The following OR2L13 variants were observed in gnomAD, a reference collection of about 807,000 sequenced individuals.
OR2L13 encodes olfactory receptor 2L13.
A neutral mutation model predicts 15.3 loss-of-function variants in OR2L13; 14 were observed. The observed-to-expected ratio is 0.91, with a 90% CI of 0.60 to 1.43. The LOEUF (loss-of-function observed/expected upper bound fraction) is 1.43. Ranked by LOEUF, OR2L13 falls within the 40% of genes most tolerant of loss-of-function variation. The pLI is 0.00. For missense variants in OR2L13, 367 were observed against 387.9 expected (o/e 0.95, Z 0.45); for synonymous variants, 152 against 142.9 (o/e 1.06, Z -0.45).
the OR2L13 span, among the ~76,000 whole-genome samples, chr1:247,960,533 C>T: frequency 6.6e-6 from 1 of 152,162 alleles, no homozygotes; most frequent in African/African-American, 2.4e-5. Flanking sequence ...GCCCTGCCCC[C>T]AGAGGTGGAG....
At chr1:247,982,906 T>C in the OR2L13 span, among the ~76,000 whole-genome samples, 1 of 152,134 alleles carries the variant, frequency 6.6e-6, no homozygotes, top group Admixed American at 6.5e-5. Context: ...ATATTTTTGT[T>C]TTGGGTAATT....
At chr1:248,052,742 A>T in the OR2L13 span, among the ~76,000 whole-genome samples, 2 of 152,116 alleles carry the variant, frequency 1.3e-5, no homozygotes, top group African/African-American at 4.8e-5. Flanking sequence ...AAAAGAAAAA[A>T]AAATCAGATT....
chr1:248,003,446 T>C, the OR2L13 span: 14 of 1,610,250 alleles, frequency 8.7e-6, no homozygotes, highest in East Asian at 2.9e-4. Context: ...CTTCACGACT[T>C]TAGCCGTTGT....
chr1:248,099,890 C>T (rs756735124), exon 3 of OR2L13: 2 of 1,614,152 alleles, frequency 1.2e-6, no homozygotes, highest in African/African-American at 2.7e-5. Flanking sequence ...AGGTCTAGGG[C>T]TATTGACCAT....
the OR2L13 span, among the ~76,000 whole-genome samples, chr1:248,026,261 A>C: frequency 6.6e-6 from 1 of 152,200 alleles, no homozygotes; most frequent in Non-Finnish European, 1.5e-5. Context: ...TGACCCTTGA[A>C]CAACGCGGAC....
chr1:248,060,241 C>T, the OR2L13 span, among the ~76,000 whole-genome samples: 1 of 152,092 alleles, frequency 6.6e-6, no homozygotes. Context: ...ATAGAGATAT[C>T]TTTCTTATAA....
At chr1:248,018,700 C>T in the OR2L13 span, among the ~76,000 whole-genome samples, 3 of 152,132 alleles carry the variant, frequency 2.0e-5, no homozygotes, top group Non-Finnish European at 2.9e-5. Context: ...AGTTCTGTGG[C>T]ATTAAGGACA....
upstream of OR2L13, among the ~76,000 whole-genome samples, chr1:248,091,462 T>C (rs1189200009): frequency 6.6e-6 from 1 of 152,132 alleles, no homozygotes; most frequent in Non-Finnish European, 1.5e-5. Context: ...TTTGTGTATG[T>C]GATGTAAAAA....
At chr1:248,083,081 A>G in the OR2L13 span, among the ~76,000 whole-genome samples, 1 of 152,166 alleles carries the variant, frequency 6.6e-6, no homozygotes, top group Non-Finnish European at 1.5e-5. Context: ...TACAAAAGAA[A>G]TGTGACAATA....
chr1:248,099,651 CT>C lies in OR2L13; in HGVS notation c.278del (p.Phe93SerfsTer12). On this transcript the variant is annotated frameshift_variant, in exon 3 of 3. Coordinates refer to ENST00000641714, the Ensembl canonical transcript of OR2L13. LOFTEE classifies it high-confidence loss of function. ...TCCTGTCCGGCCAGAAAGGCATCTC[CT>C]TCCTGGGATGTGGTGTGCAAAGCTT... The C allele has an allele frequency of 6.2e-7, 1 of 1,614,172 alleles. No individual in the cohort carries two copies. The highest frequency in any genetic ancestry group is 1.3e-5 in the African/African-American group (1 of 75,032).
chr1:247,991,003 G>C, the OR2L13 span: 2 of 1,517,410 alleles, frequency 1.3e-6, no homozygotes, highest in Non-Finnish European at 1.8e-6. Flanking sequence ...CCACCTCACT[G>C]TAGTGACTTT....
At chr1:247,961,817 A>G in the OR2L13 span, among the ~76,000 whole-genome samples, 1 of 152,246 alleles carries the variant, frequency 6.6e-6, no homozygotes, top group African/African-American at 2.4e-5. Context: ...TTTGGTAGCT[A>G]GCAGAGCTCA....
chr1:247,968,633 T>C, the OR2L13 span, among the ~76,000 whole-genome samples: 1 of 152,112 alleles, frequency 6.6e-6, no homozygotes, highest in Non-Finnish European at 1.5e-5. Context: ...CTGAGAATGA[T>C]GGTTTCCAGC....
the OR2L13 span, among the ~76,000 whole-genome samples, chr1:247,967,860 C>A: frequency 2.6e-4 from 39 of 152,112 alleles, no homozygotes; most frequent in African/African-American, 8.7e-4. Flanking sequence ...TTCTCCTCCT[C>A]CTCCTTCTCC....
the OR2L13 span, among the ~76,000 whole-genome samples, chr1:248,050,372 G>C: frequency 6.6e-6 from 1 of 151,836 alleles, no homozygotes; most frequent in Non-Finnish European, 1.5e-5. Flanking sequence ...TAATCCATTT[G>C]GATTTATTTT....
chr1:247,964,736 G>A, the OR2L13 span, among the ~76,000 whole-genome samples: 7 of 151,456 alleles, frequency 4.6e-5, no homozygotes, highest in South Asian at 2.1e-4. Flanking sequence ...TATGATACGT[G>A]TTCTTAAACT....
At chr1:248,048,695 T>C in the OR2L13 span, among the ~76,000 whole-genome samples, 4 of 152,128 alleles carry the variant, frequency 2.6e-5, no homozygotes, top group African/African-American at 9.7e-5. Context: ...CCCAGCCCTA[T>C]GTGCAAGTAA....
At chr1:248,021,761 A>G in the OR2L13 span, among the ~76,000 whole-genome samples, 2 of 152,240 alleles carry the variant, frequency 1.3e-5, no homozygotes, top group African/African-American at 4.8e-5. Flanking sequence ...TTCCTTGTCT[A>G]ATTTATAAAT....
chr1:247,995,051 A>T, the OR2L13 span, among the ~76,000 whole-genome samples: 1 of 152,164 alleles, frequency 6.6e-6, no homozygotes, highest in African/African-American at 2.4e-5. Context: ...TTCATGTTAA[A>T]TTGAATGCAG....
Sources: allele counts gnomAD v4.1 joint callset (sites outside exome capture counted in the v4.1 genomes callset), GRCh38; gene constraint gnomAD v4.1.1; transcripts MANE v1.5; gene names NCBI Gene and HGNC (gene_info 2026-07-23, HGNC 2026-07-21).